Variants in NELL1 observed in about 807,000 individuals in gnomAD.
NELL1 encodes the protein protein kinase C-binding protein NELL1.
In NELL1, 76 loss-of-function variants were observed where a neutral mutation model predicts 107.4. That is an observed-to-expected ratio of 0.71 (90% CI 0.59 to 0.86). The LOEUF (loss-of-function observed/expected upper bound fraction) is 0.86. Ranked by LOEUF, NELL1 falls within the 40% of genes least tolerant of loss-of-function variation. The probability of loss-of-function intolerance (pLI) is 0.00; values close to 1 mark genes in which losing one functional copy is unlikely to be tolerated. For synonymous variants in NELL1, 353 were observed against 341.2 expected, an observed-to-expected ratio of 1.03 and a Z score of -0.38; for missense variants, 1,024 against 1,005.5, an observed-to-expected ratio of 1.02 and a Z score of -0.25.
intron 13 of NELL1, among the ~76,000 whole-genome samples, chr11:21,205,248 A>T (rs1857364015): frequency 6.6e-6 from 1 of 151,998 alleles, no homozygotes; most frequent in African/African-American, 2.4e-5. Flanking sequence ...TCCCAGGGAG[A>T]TGGGGGTTTT....
rs750373820 is a variant in NELL1 at position 21,261,616 on chromosome 11, C to T, written c.1549+32162C>T. ...AGGCAGAGAGCGATTAAAGAATTTG[C>T]CCAAGGTCAAGTAGCTATTAATGAA... On this transcript the variant is annotated intron_variant, in intron 14 of 19. Transcript: ENST00000357134. 3.7e-4 allele frequency among the ~76,000 whole-genome samples: 56 copies of T among 151,814 alleles called. 1 individual carries two copies. The South Asian group carries it at 3.7e-3, about 10-fold the overall frequency.
intron 14 of NELL1, among the ~76,000 whole-genome samples, chr11:21,304,298 C>T (rs901228842): frequency 1.6e-4 from 25 of 151,902 alleles, no homozygotes; most frequent in African/African-American, 5.6e-4. Flanking sequence ...TCTGTAGATG[C>T]CTTTGTATAT....
Position 21,575,106 on chromosome 11 carries a change from T to TTTTG in NELL1, c.*92_*95dup, listed in dbSNP as rs900670971. ...AGGATAGGAATCGGTAGTTTGGTTT[T>TTTTG]TTTGTTTGTTTTGTTTTTTTAACCA... On this transcript the variant is annotated 3_prime_UTR_variant, in exon 20 of 20. Coordinates refer to ENST00000357134, the MANE Select transcript of NELL1 (RefSeq NM_006157.5). 2.5e-6 allele frequency: 3 copies of TTTTG among 1,208,468 alleles called. No homozygotes were observed. Among genetic ancestry groups the TTTTG allele is most frequent in the African/African-American group, 1.5e-5 (1 of 66,068 alleles). The allele number at this position is 1,208,468 out of a possible 1,614,324, so 74.9% of individuals were successfully genotyped here.
At chr11:21,530,767 T>C (rs988486669) in intron 15 of NELL1, among the ~76,000 whole-genome samples, 1 of 152,100 alleles carries the variant, frequency 6.6e-6, no homozygotes, top group African/African-American at 2.4e-5. Flanking sequence ...TTACTTTTTC[T>C]TTAGTTTTAT....
intron 15 of NELL1, among the ~76,000 whole-genome samples, chr11:21,426,136 C>T (rs1055390165): frequency 6.6e-6 from 1 of 152,098 alleles, no homozygotes; most frequent in African/African-American, 2.4e-5. Flanking sequence ...TTCATTCTTC[C>T]TTTTTTAAAT....
intron 15 of NELL1, among the ~76,000 whole-genome samples, chr11:21,445,151 T>A (rs1853389528): frequency 6.6e-6 from 1 of 152,208 alleles, no homozygotes; most frequent in African/African-American, 2.4e-5. Context: ...CTGTTCTAGT[T>A]ATTATTTTAT....
At chr11:21,308,932 G>C (rs1334829450) in intron 14 of NELL1, among the ~76,000 whole-genome samples, 2 of 151,414 alleles carry the variant, frequency 1.3e-5, no homozygotes, top group Middle Eastern at 3.2e-3. Flanking sequence ...GAGCAAGAAG[G>C]CTCTAAAATG....
intron 12 of NELL1, among the ~76,000 whole-genome samples, chr11:21,021,335 C>T (rs1234620860): frequency 1.3e-5 from 2 of 151,904 alleles, no homozygotes; most frequent in African/African-American, 4.8e-5. Context: ...ATATCTCTTT[C>T]ATGTTTATCT....
chr11:21,516,702 G>A (rs1855569998), intron 15 of NELL1, among the ~76,000 whole-genome samples: 1 of 151,146 alleles, frequency 6.6e-6, no homozygotes, highest in Non-Finnish European at 1.5e-5. Context: ...TAGGATCACT[G>A]TTGTATACAT....
At chr11:20,906,156 C>T (rs1849993163) in intron 5 of NELL1, among the ~76,000 whole-genome samples, 1 of 152,054 alleles carries the variant, frequency 6.6e-6, no homozygotes, top group Non-Finnish European at 1.5e-5. Context: ...GTCATTACTA[C>T]TGACCTTACA....
At chr11:21,470,720 A>G (rs4304769) in intron 15 of NELL1, among the ~76,000 whole-genome samples, 60,681 of 151,952 alleles carry the variant, frequency 0.4, 12,221 homozygotes, top group South Asian at 0.5. Flanking sequence ...TATTGCCAGC[A>G]TCTAGCAGAG....
chr11:20,925,505 C>G (rs1253044223), intron 7 of NELL1, among the ~76,000 whole-genome samples: 2 of 144,030 alleles, frequency 1.4e-5, no homozygotes, highest in African/African-American at 5.2e-5. Context: ...GGGTTGGTCT[C>G]AAACTCCTGA....
At chr11:20,879,373 T>C (rs960284236) in intron 4 of NELL1, among the ~76,000 whole-genome samples, 1 of 152,134 alleles carries the variant, frequency 6.6e-6, no homozygotes. Context: ...AAAGAATGTA[T>C]AATGTAAGGG....
chr11:21,049,940 T>A (rs57786982), intron 12 of NELL1, among the ~76,000 whole-genome samples: 1 of 151,704 alleles, frequency 6.6e-6, no homozygotes, highest in East Asian at 1.9e-4. Context: ...CATTAATTTG[T>A]GGCCTATTGC....
At chr11:21,497,077 G>T (rs992581645) in intron 15 of NELL1, among the ~76,000 whole-genome samples, 7 of 146,774 alleles carry the variant, frequency 4.8e-5, no homozygotes, top group African/African-American at 1.8e-4. Flanking sequence ...GAATAGTGCC[G>T]CAATAAGCAT....
At chr11:21,250,074 T>A (rs928439705) in intron 14 of NELL1, among the ~76,000 whole-genome samples, 2 of 152,194 alleles carry the variant, frequency 1.3e-5, no homozygotes, top group African/African-American at 2.4e-5. Flanking sequence ...TCTTAAAATA[T>A]TTTTTACTTA....
At chr11:20,767,125 C>T (rs1856549228) in intron 2 of NELL1, among the ~76,000 whole-genome samples, 1 of 152,142 alleles carries the variant, frequency 6.6e-6, no homozygotes, top group Non-Finnish European at 1.5e-5. Flanking sequence ...GTTGTTGGTT[C>T]CTTCAGGTGG....
intron 2 of NELL1, among the ~76,000 whole-genome samples, chr11:20,711,974 C>T (rs1234648481): frequency 6.6e-6 from 1 of 152,040 alleles, no homozygotes; most frequent in East Asian, 1.9e-4. Context: ...GTTCTTTGAG[C>T]TTCTTGTCTA....
intron 16 of NELL1, among the ~76,000 whole-genome samples, chr11:21,542,563 G>A (rs147126859): frequency 3.3e-5 from 5 of 152,098 alleles, no homozygotes; most frequent in East Asian, 3.9e-4. Flanking sequence ...ATAACTACGC[G>A]ACATGTTTTT....
Sources: gnomAD v4.1 joint callset for allele counts (sites outside exome capture counted in the v4.1 genomes callset) on GRCh38, gnomAD v4.1.1 for gene constraint, MANE v1.5 for transcripts, NCBI Gene and HGNC (gene_info 2026-07-23, HGNC 2026-07-21) for gene names.